ANKS1B: variants seen among roughly 807,000 people sequenced by gnomAD.
ANKS1B encodes the protein ankyrin repeat and sterile alpha motif domain-containing protein 1B.
A neutral mutation model predicts 148.3 loss-of-function variants in ANKS1B; 36 were observed. The observed-to-expected ratio is 0.24, with a 90% CI of 0.19 to 0.32. The LOEUF (loss-of-function observed/expected upper bound fraction) is 0.32, where lower values mean the gene tolerates loss of function less well. Ranked by LOEUF, ANKS1B falls within the 10% of genes least tolerant of loss-of-function variation. The pLI, the probability that ANKS1B is intolerant of heterozygous loss-of-function variation, is 1.00. For synonymous variants in ANKS1B, 542 were observed against 560.8 expected (o/e 0.97, Z 0.47); for missense variants, 1,157 against 1,542.6 (o/e 0.75, Z 4.19).
At chr12:99,129,439 A>G (rs2065421534) in intron 15 of ANKS1B, among the ~76,000 whole-genome samples, 1 of 152,230 alleles carries the variant, frequency 6.6e-6, no homozygotes, top group Non-Finnish European at 1.5e-5. Context: ...GAAGTGAGGC[A>G]GCACCACAAG....
At chr12:98,746,520 G>T (rs1197332577) in intron 26 of ANKS1B, among the ~76,000 whole-genome samples, 1 of 152,124 alleles carries the variant, frequency 6.6e-6, no homozygotes, top group Admixed American at 6.5e-5. Context: ...CCTACAAAAA[G>T]CACCCCAACT....
intron 1 of ANKS1B, among the ~76,000 whole-genome samples, chr12:99,882,916 A>C (rs2092612553): frequency 6.6e-6 from 1 of 152,230 alleles, no homozygotes; most frequent in Non-Finnish European, 1.5e-5. Context: ...TCTAGCAAAA[A>C]TACTCTTCAG....
chr12:99,466,534 A>G (rs541032672), intron 10 of ANKS1B, among the ~76,000 whole-genome samples: 3,336 of 150,402 alleles, frequency 0.022, 134 homozygotes, highest in African/African-American at 0.081. Flanking sequence ...AAATTGATAG[A>G]CCGCTAGCAA....
At chr12:99,466,843 C>T (rs1243350054) in intron 10 of ANKS1B, among the ~76,000 whole-genome samples, 20 of 151,834 alleles carry the variant, frequency 1.3e-4, no homozygotes, top group Non-Finnish European at 2.1e-4. Context: ...GATTCACAGT[C>T]GAATTCTACC....
intron 14 of ANKS1B, among the ~76,000 whole-genome samples, chr12:99,218,710 CT>C (rs2084622716): frequency 2.6e-5 from 4 of 152,180 alleles, no homozygotes; most frequent in Non-Finnish European, 2.9e-5. Context: ...CTCACTTTCC[CT>C]CCATTTCATG....
chr12:99,042,395 GGTCA>G (rs1243103031), intron 17 of ANKS1B, among the ~76,000 whole-genome samples: 1 of 152,190 alleles, frequency 6.6e-6, no homozygotes, highest in Non-Finnish European at 1.5e-5. Flanking sequence ...GACCACCCCA[GGTCA>G]GTCAACTCTC....
intron 11 of ANKS1B, among the ~76,000 whole-genome samples, chr12:99,437,459 T>G: frequency 6.6e-6 from 1 of 152,002 alleles, no homozygotes; most frequent in East Asian, 1.9e-4. Context: ...CTGTTCAATA[T>G]TGAGCCCATT....
At chr12:99,221,475 C>T (rs2085119928) in intron 14 of ANKS1B, among the ~76,000 whole-genome samples, 3 of 152,116 alleles carry the variant, frequency 2.0e-5, no homozygotes, top group South Asian at 4.1e-4. Context: ...AGAAAGAGCT[C>T]CTTTGCCCTT....
In ANKS1B at chr12:99,200,514, A is replaced by G. The variant is rs567263006; in HGVS notation, c.2419+43828T>C. Among the ~76,000 whole-genome samples the G allele has an allele frequency of 9.8e-5, 15 of 152,356 alleles. No individual in the cohort carries two copies. The East Asian group carries it at 1.9e-3, about 20-fold the overall frequency. On this transcript the variant is annotated intron_variant, in intron 14 of 26. Transcript: ENST00000683438. ...TTCAAATTATTATTTTTTTGTCATCATATGACTGGTAACATGTCATTGGCA... is the reference window on the plus strand; with the variant it reads ...TTCAAATTATTATTTTTTTGTCATCGTATGACTGGTAACATGTCATTGGCA...
chr12:99,764,526 G>A (rs1434826922), intron 8 of ANKS1B, among the ~76,000 whole-genome samples: 1 of 152,096 alleles, frequency 6.6e-6, no homozygotes, highest in Admixed American at 6.5e-5. Flanking sequence ...GGGTTCAAGT[G>A]ATTCTCCTGC....
chr12:99,240,559 G>A (rs372322356), intron 14 of ANKS1B, among the ~76,000 whole-genome samples: 21 of 152,088 alleles, frequency 1.4e-4, no homozygotes, highest in African/African-American at 1.9e-4. Flanking sequence ...TGGACCAAGC[G>A]GACATAATAG....
At chr12:99,529,655 G>GA (rs1487921875) in intron 9 of ANKS1B, among the ~76,000 whole-genome samples, 1 of 147,816 alleles carries the variant, frequency 6.8e-6, no homozygotes, top group African/African-American at 2.7e-5. Flanking sequence ...CTGTTTCCAG[G>GA]AAAAAAATAA....
chr12:99,439,938 T>C (rs1358533560), intron 11 of ANKS1B, among the ~76,000 whole-genome samples: 2 of 151,860 alleles, frequency 1.3e-5, no homozygotes, highest in African/African-American at 2.4e-5. Flanking sequence ...TACCATAGTA[T>C]ATTAATCCAA....
intron 1 of ANKS1B, among the ~76,000 whole-genome samples, chr12:99,853,922 C>A (rs1182453739): frequency 6.6e-6 from 1 of 151,814 alleles, no homozygotes; most frequent in East Asian, 1.9e-4. Flanking sequence ...TAGAGAAATG[C>A]AAAATGCACC....
chr12:99,846,151 T>C (rs2086636114), intron 1 of ANKS1B, among the ~76,000 whole-genome samples: 1 of 152,138 alleles, frequency 6.6e-6, no homozygotes, highest in African/African-American at 2.4e-5. Context: ...AAATGGCCTA[T>C]AGCTACAGTT....
intron 14 of ANKS1B, among the ~76,000 whole-genome samples, chr12:99,165,331 C>T (rs2077091185): frequency 6.6e-6 from 1 of 151,736 alleles, no homozygotes; most frequent in Admixed American, 6.6e-5. Flanking sequence ...ATCAATGAAA[C>T]CAAAAGCTGT....
chr12:99,888,744 C>T lies in ANKS1B; in HGVS notation c.135-63355G>A, dbSNP rs55931872. Among the ~76,000 whole-genome samples the T allele has an allele frequency of 9.4e-3, 1,434 of 152,036 alleles. 20 individuals carry two copies. The highest frequency in any genetic ancestry group is 0.032 in the African/African-American group (1,321 of 41,446). The stretch of plus-strand genomic sequence containing the variant: ...CTGTGGGCCTCACTAAACTAATTTG[C>T]GATATTAAGGTAAGGAAAGAAGAAT... On this transcript the variant is annotated intron_variant, in intron 1 of 26. Transcript: ENST00000683438.
At chr12:99,888,969 A>AACACACACACACACACACACACAC (rs6144833) in intron 1 of ANKS1B, among the ~76,000 whole-genome samples, 10 of 147,196 alleles carry the variant, frequency 6.8e-5, no homozygotes, top group African/African-American at 1.8e-4. Flanking sequence ...CCTTCGCCAA[A>AACACACACACACACACACACACAC]ACACACACAC....
chr12:99,970,081 C>G (rs2095539990), intron 1 of ANKS1B, among the ~76,000 whole-genome samples: 1 of 152,036 alleles, frequency 6.6e-6, no homozygotes, highest in African/African-American at 2.4e-5. Flanking sequence ...TAAGTAACAA[C>G]AGTATATACA....
Sources: gnomAD v4.1 joint callset for allele counts (sites outside exome capture counted in the v4.1 genomes callset) on GRCh38, gnomAD v4.1.1 for gene constraint, MANE v1.5 for transcripts, NCBI Gene and HGNC (gene_info 2026-07-23, HGNC 2026-07-21) for gene names.